Variants in ATP6V0A2 observed in about 807,000 individuals in gnomAD.
ATP6V0A2 encodes the protein ATPase H+ transporting V0 subunit a2.
Under a neutral mutation model 104.4 loss-of-function variants are expected in ATP6V0A2, and 58 were observed. The observed-to-expected ratio is 0.56, with a 90% confidence interval of 0.45 to 0.69. The LOEUF is 0.69. Ranked by LOEUF, ATP6V0A2 falls within the 30% of genes least tolerant of loss-of-function variation. ATP6V0A2 has a pLI of 0.00. For missense variants in ATP6V0A2, 938 were observed against 1,062.9 expected (o/e 0.88, Z 1.63); for synonymous variants, 376 against 397.9 (o/e 0.95, Z 0.65).
intron 6 of ATP6V0A2, among the ~76,000 whole-genome samples, chr12:123,729,983 A>G (rs929225440): frequency 3.5e-5 from 5 of 144,410 alleles, no homozygotes; most frequent in Non-Finnish European, 6.0e-5. Flanking sequence ...CATCTGCTGA[A>G]TTTTTTTATT....
At chr12:123,712,830 C>T (rs913738134) in intron 1 of ATP6V0A2, 148 bp downstream of exon 1, 1 of 779,916 alleles carries the variant, frequency 1.3e-6, no homozygotes, top group South Asian at 1.5e-5. Flanking sequence ...CCCAGCTCAG[C>T]GGCCAAAGCT....
rs373770878 is a variant in ATP6V0A2 at position 123,724,651 on chromosome 12, T to C, written c.295-3T>C. ...CTCTTAAGTAACCATTGTTTTGTTT[T>C]AGGAGCAGTTGCAGAAGCTCGAGGT... On this transcript the variant is annotated splice_polypyrimidine_tract_variant and splice_region_variant and intron_variant, in intron 3 of 19. Transcript: ENST00000330342. 2.5e-6 allele frequency: 4 copies of C among 1,613,840 alleles called. No homozygotes were observed. The African/African-American group carries it at 4.0e-5, about 16-fold the overall frequency.
intron 1 of ATP6V0A2, among the ~76,000 whole-genome samples, chr12:123,714,976 G>C (rs1311834978): frequency 6.6e-6 from 1 of 152,132 alleles, no homozygotes; most frequent in Non-Finnish European, 1.5e-5. Context: ...GCTACTCTCA[G>C]AAGGCTGAGG....
chr12:123,745,157 G>A (rs1956649214), intron 13 of ATP6V0A2, among the ~76,000 whole-genome samples, 185 bp downstream of exon 13: 1 of 152,278 alleles, frequency 6.6e-6, no homozygotes, highest in South Asian at 2.1e-4. Context: ...GGGGCCCTCC[G>A]TTTGGGAAGG....
intron 14 of ATP6V0A2, among the ~76,000 whole-genome samples, chr12:123,748,317 A>G (rs1956682037): frequency 6.6e-6 from 1 of 152,186 alleles, no homozygotes; most frequent in Non-Finnish European, 1.5e-5. Context: ...TACTTTAAGG[A>G]AGGAAATGTT....
Position 123,758,232 on chromosome 12 carries a change from C to A in ATP6V0A2, c.*200C>A. 1 of 461,538 alleles carries A rather than the reference C, an allele frequency of 2.2e-6. No homozygotes were observed. Among genetic ancestry groups the A allele is most frequent in the Admixed American group, 3.9e-5 (1 of 25,686 alleles). The allele number at this position is 461,538 out of a possible 1,614,324, so 28.6% of individuals were successfully genotyped here. A position where few individuals can be genotyped will look rare whatever the true frequency, so the allele number is the denominator to read the frequency against. ...TTACCAATTTGAGATATAAAAATTT[C>A]TTTTGGTTTTTTATGATGAGCAAAT... On this transcript the variant is annotated 3_prime_UTR_variant, in exon 20 of 20. Coordinates refer to ENST00000330342, the MANE Select transcript of ATP6V0A2 (RefSeq NM_012463.4).
Position 123,743,898 on chromosome 12 carries a change from T to G in ATP6V0A2, c.1152T>G (p.Asp384Glu). 6.2e-7 allele frequency: 1 copy of G among 1,614,210 alleles called. No homozygotes were observed. The change falls in exon 10 of 20, where the codon GAT (aspartate) becomes GAG (glutamate). Residue 384 changes from aspartate (D) to glutamate (E), a missense_variant. Transcript: ENST00000330342. ...KFTEGFQNIV[D>E]AYGVGSYREV... ...CCGAGGGATTTCAGAACATCGTGGA[T>G]GCTTATGGAGTCGGAAGCTACAGAG...
At position 123,737,115 on chromosome 12, in the gene ATP6V0A2, T is replaced by C. The variant is rs1956562139; in HGVS notation, c.882T>C (p.Ser294=). Residue 294 remains serine (S), a synonymous_variant, in exon 9 of 20, where the codon TCT becomes TCC. Transcript: ENST00000330342. The stretch of plus-strand genomic sequence containing the variant: ...AAGTGCTATGTAAAGCCGCCGAGTC[T>C]GTCTACAGCCGTGTGATCCAGGTGA... ...LRQVLCKAAE[S]VYSRVIQVKK... 1 of 1,614,234 alleles carries C rather than the reference T, an allele frequency of 6.2e-7. No homozygotes were observed. The highest frequency in any genetic ancestry group is 8.5e-7 in the Non-Finnish European group (1 of 1,180,034).
In ATP6V0A2 at chr12:123,757,917, T is replaced by G. The variant is rs1418021214; in HGVS notation, c.2466-10T>G. ...ATCTTCCATTAATACATGGCTTTTT[T>G]TTTTTTTAGGGTAGAATTTCAGAAC... On this transcript the variant is annotated splice_polypyrimidine_tract_variant and intron_variant, in intron 19 of 19. Transcript: ENST00000330342. 21 of 1,556,242 alleles carry G rather than the reference T, an allele frequency of 1.3e-5. No individual in the cohort carries two copies. Among genetic ancestry groups the G allele is most frequent in the Non-Finnish European group, 1.8e-5 (20 of 1,140,132 alleles).
chr12:123,724,108 GAGA>G (rs911105984), intron 3 of ATP6V0A2: 1 of 151,998 alleles, frequency 6.6e-6, no homozygotes, highest in Non-Finnish European at 1.5e-5. Context: ...TATTTACTTT[GAGA>G]AGGAGTCTTG....
chr12:123,751,524 T>C (rs187469904), intron 16 of ATP6V0A2, among the ~76,000 whole-genome samples: 1 of 151,984 alleles, frequency 6.6e-6, no homozygotes, highest in Non-Finnish European at 1.5e-5. Context: ...TGTGGTGGTG[T>C]GCACCTTTAG....
intron 7 of ATP6V0A2, among the ~76,000 whole-genome samples, 189 bp from the exon 8 acceptor site, chr12:123,735,342 A>G (rs1218509348): frequency 6.6e-6 from 1 of 152,194 alleles, no homozygotes; most frequent in Admixed American, 6.5e-5. Context: ...TGCTAAATTT[A>G]TCTCACTCAG....
intron 18 of ATP6V0A2, among the ~76,000 whole-genome samples, chr12:123,755,566 A>T (rs1418315345): frequency 3.3e-5 from 5 of 151,658 alleles, no homozygotes; most frequent in Non-Finnish European, 7.4e-5. Flanking sequence ...AAAAAAAAAA[A>T]ATAGGACAAT....
At chr12:123,754,959 C>G (rs1396754894) in intron 18 of ATP6V0A2, among the ~76,000 whole-genome samples, 1 of 152,214 alleles carries the variant, frequency 6.6e-6, no homozygotes, top group African/African-American at 2.4e-5. Context: ...CCACAGCACT[C>G]ATGGGTAGCC....
At chr12:123,740,324 C>A (rs991578878) in intron 9 of ATP6V0A2, among the ~76,000 whole-genome samples, 2 of 152,062 alleles carry the variant, frequency 1.3e-5, no homozygotes, top group Admixed American at 1.3e-4. Context: ...CATGCCTCAG[C>A]CTCCCAAGTA....
intron 9 of ATP6V0A2, among the ~76,000 whole-genome samples, chr12:123,738,424 T>C (rs2135903423): frequency 6.6e-6 from 1 of 152,194 alleles, no homozygotes; most frequent in South Asian, 2.1e-4. Flanking sequence ...TTTTCAATTT[T>C]CTTTTTTTTG....
chr12:123,743,682 C>CA (rs1221182655), intron 9 of ATP6V0A2, 103 bp from the exon 10 acceptor site: 261 of 1,360,962 alleles, frequency 1.9e-4, no homozygotes, highest in Non-Finnish European at 2.3e-4. Flanking sequence ...ACAACACCAC[C>CA]AAAAAAAACC....
chr12:123,756,592 C>A (rs1956766542), intron 18 of ATP6V0A2: 1 of 574,142 alleles, frequency 1.7e-6, no homozygotes, highest in Non-Finnish European at 3.1e-6. Flanking sequence ...TGGGAGATGG[C>A]CTCTGATATT....
chr12:123,728,561 T>C (rs996384789), intron 6 of ATP6V0A2, among the ~76,000 whole-genome samples: 1 of 152,090 alleles, frequency 6.6e-6, no homozygotes, highest in African/African-American at 2.4e-5. Flanking sequence ...ATCTCCTTCA[T>C]TCTGGGACAG....
Sources: allele counts gnomAD v4.1 joint callset (sites outside exome capture counted in the v4.1 genomes callset), GRCh38; gene constraint gnomAD v4.1.1; transcripts MANE v1.5; gene names NCBI Gene and HGNC (gene_info 2026-07-23, HGNC 2026-07-21).